UNC13C: variants seen among roughly 807,000 people sequenced by gnomAD.
The protein encoded by UNC13C is protein unc-13 homolog C.
A neutral mutation model predicts 245.4 loss-of-function variants in UNC13C; 174 were observed. The observed-to-expected ratio is 0.71, with a 90% CI of 0.63 to 0.80. The LOEUF is 0.80. Ranked by LOEUF, UNC13C falls within the 30% of genes least tolerant of loss-of-function variation. The pLI is 0.00. For missense variants in UNC13C, 2,829 were observed against 2,602.9 expected, an observed-to-expected ratio of 1.09 and a Z score of -1.89; for synonymous variants, 992 against 895.1, an observed-to-expected ratio of 1.11 and a Z score of -1.93.
rs569193402 is a variant in UNC13C at position 54,356,745 on chromosome 15, A to C, written c.4713+18256A>C. ...GAATACTTTAGCAATAAAACATATGATTTTTTGTGGGATACCCAACATTCA... is the reference window on the plus strand; with the variant it reads ...GAATACTTTAGCAATAAAACATATGCTTTTTTGTGGGATACCCAACATTCA... On this transcript the variant is annotated intron_variant, in intron 17 of 32. Transcript: ENST00000260323. Among the ~76,000 whole-genome samples, 5 of 152,234 alleles carry C rather than the reference A, an allele frequency of 3.3e-5. No individual in the cohort carries two copies. In the East Asian group the frequency reaches 9.7e-4, roughly 29 times the overall value.
At chr15:54,450,684 C>T (rs1454556855) in intron 19 of UNC13C, among the ~76,000 whole-genome samples, 2 of 152,170 alleles carry the variant, frequency 1.3e-5, no homozygotes, top group East Asian at 3.9e-4. Flanking sequence ...CTTTGCTTGG[C>T]TAGTAAAGGG....
chr15:54,604,407 CAAAAG>C (rs1033117453), intron 30 of UNC13C, among the ~76,000 whole-genome samples: 1 of 149,842 alleles, frequency 6.7e-6, no homozygotes, highest in Non-Finnish European at 1.5e-5. Flanking sequence ...AGAAAGAAAA[CAAAAG>C]AAAAACAGCT....
At chr15:54,482,250 A>C (rs1893160292) in intron 19 of UNC13C, among the ~76,000 whole-genome samples, 1 of 151,928 alleles carries the variant, frequency 6.6e-6, no homozygotes, top group Non-Finnish European at 1.5e-5. Context: ...TAAATGCAGG[A>C]GCTTTTAGCC....
At chr15:54,384,683 G>C (rs966502331) in intron 17 of UNC13C, among the ~76,000 whole-genome samples, 3 of 151,926 alleles carry the variant, frequency 2.0e-5, no homozygotes, top group Non-Finnish European at 2.9e-5. Flanking sequence ...AAAGTTAAAA[G>C]CTTCTGCACA....
intron 26 of UNC13C, among the ~76,000 whole-genome samples, chr15:54,546,003 G>T (rs1896467056): frequency 6.6e-6 from 1 of 152,048 alleles, no homozygotes; most frequent in South Asian, 2.1e-4. Context: ...TCATTCTTCT[G>T]TAAAGACACA....
At chr15:54,282,599 T>C in intron 10 of UNC13C, among the ~76,000 whole-genome samples, 1 of 152,094 alleles carries the variant, frequency 6.6e-6, no homozygotes, top group East Asian at 1.9e-4. Context: ...TGGATGGTGG[T>C]GTGTTAGCAG....
At chr15:54,384,158 T>C (rs1355196708) in intron 17 of UNC13C, among the ~76,000 whole-genome samples, 1 of 152,056 alleles carries the variant, frequency 6.6e-6, no homozygotes, top group Non-Finnish European at 1.5e-5. Flanking sequence ...TAATACACAA[T>C]TCTAAAATTC....
the UNC13C span, among the ~76,000 whole-genome samples, chr15:53,853,531 A>C: frequency 6.6e-6 from 1 of 152,070 alleles, no homozygotes; most frequent in Non-Finnish European, 1.5e-5. Context: ...TAATGGGTTA[A>C]ATGGTATTTC....
chr15:53,970,312 A>G, the UNC13C span, among the ~76,000 whole-genome samples: 1 of 151,812 alleles, frequency 6.6e-6, no homozygotes, highest in African/African-American at 2.4e-5. Flanking sequence ...CAGGTGATCC[A>G]CCCGCCTCAG....
chr15:53,979,654 C>T (rs1229573473), intron 1 of UNC13C, among the ~76,000 whole-genome samples: 3 of 152,084 alleles, frequency 2.0e-5, no homozygotes, highest in Non-Finnish European at 4.4e-5. Context: ...TGTTGGCTGT[C>T]TTTAGTACCT....
intron 4 of UNC13C, among the ~76,000 whole-genome samples, chr15:54,193,906 A>T (rs995365978): frequency 2.0e-5 from 3 of 152,178 alleles, no homozygotes; most frequent in African/African-American, 7.2e-5. Context: ...CACCTAGGTA[A>T]TGAGATCTGG....
intron 1 of UNC13C, among the ~76,000 whole-genome samples, chr15:53,989,577 A>G (rs1042917230): frequency 3.9e-5 from 6 of 151,948 alleles, no homozygotes; most frequent in African/African-American, 1.5e-4. Flanking sequence ...CACGTAAAAC[A>G]TGTTTTCTTT....
chr15:54,600,819 A>G (rs1187025680), intron 30 of UNC13C, among the ~76,000 whole-genome samples: 1 of 152,092 alleles, frequency 6.6e-6, no homozygotes, highest in Admixed American at 6.6e-5. Context: ...ACCAAGCACC[A>G]ATCTAGATGT....
At chr15:54,063,760 C>T (rs1024344094) in intron 2 of UNC13C, among the ~76,000 whole-genome samples, 24 of 152,080 alleles carry the variant, frequency 1.6e-4, no homozygotes, top group African/African-American at 5.1e-4. Context: ...CATTGAGTTC[C>T]ACAAATCTTT....
intron 4 of UNC13C, among the ~76,000 whole-genome samples, chr15:54,164,724 G>A (rs1173421654): frequency 3.3e-5 from 5 of 152,216 alleles, no homozygotes; most frequent in East Asian, 1.9e-4. Context: ...TGATGTAAAC[G>A]ATTTGGGTTT....
At chr15:54,103,944 C>T (rs930342008) in intron 2 of UNC13C, among the ~76,000 whole-genome samples, 2 of 145,802 alleles carry the variant, frequency 1.4e-5, no homozygotes, top group East Asian at 2.0e-4. Context: ...AGGGTTTCAC[C>T]GTGTTGGCCA....
intron 19 of UNC13C, among the ~76,000 whole-genome samples, chr15:54,484,977 G>A (rs555317849): frequency 7.3e-5 from 11 of 150,374 alleles, no homozygotes; most frequent in Admixed American, 6.7e-4. Context: ...ATTTATGAGT[G>A]GTTAATTTGA....
At chr15:54,210,742 C>G (rs1317571458) in intron 4 of UNC13C, among the ~76,000 whole-genome samples, 5 of 152,076 alleles carry the variant, frequency 3.3e-5, no homozygotes, top group African/African-American at 1.2e-4. Flanking sequence ...AATCCTGATA[C>G]AAAGGTCAGA....
At chr15:54,131,270 A>G (rs569696924) in intron 2 of UNC13C, among the ~76,000 whole-genome samples, 1 of 152,310 alleles carries the variant, frequency 6.6e-6, no homozygotes, top group African/African-American at 2.4e-5. Context: ...GGCAGACTAG[A>G]CTGGATTTTC....
Sources: allele counts gnomAD v4.1 joint callset (sites outside exome capture counted in the v4.1 genomes callset), GRCh38; gene constraint gnomAD v4.1.1; transcripts MANE v1.5; gene names NCBI Gene and HGNC (gene_info 2026-07-23, HGNC 2026-07-21).